Variants in DLG2 observed in about 807,000 individuals in gnomAD.
DLG2 encodes the protein discs large MAGUK scaffold protein 2, also known as disks large homolog 2.
A neutral mutation model predicts 132.5 loss-of-function variants in DLG2; 45 were observed. The observed-to-expected ratio is 0.34, with a 90% CI of 0.27 to 0.44. The LOEUF is 0.44. Ranked by LOEUF, DLG2 falls within the 20% of genes least tolerant of loss-of-function variation. The pLI, the probability that DLG2 is intolerant of heterozygous loss-of-function variation, is 1.00. For synonymous variants in DLG2, 424 were observed against 419.6 expected (o/e 1.01, Z -0.13); for missense variants, 1,045 against 1,196.9 (o/e 0.87, Z 1.87).
chr11:84,377,143 C>A (rs755632882), intron 7 of DLG2, among the ~76,000 whole-genome samples: 32 of 151,914 alleles, frequency 2.1e-4, no homozygotes, highest in Admixed American at 3.9e-4. Context: ...AGTATCCATG[C>A]TAAAGAAGTT....
rs773692866 is a variant in DLG2 at position 83,906,081 on chromosome 11, CTATATA to C, written c.1496+24241_1496+24246del. ...TCTCTCTCTCTCTCTCTCTCTCTCT[CTATATA>C]TATATATATATATATATACATATAT... On this transcript the variant is annotated intron_variant, in intron 15 of 27. Transcript: ENST00000376104. Among the ~76,000 whole-genome samples the C allele has an allele frequency of 2.7e-3, 261 of 96,616 alleles. 1 individual carries two copies. Among genetic ancestry groups the C allele is most frequent in the African/African-American group, 9.3e-3 (213 of 22,866 alleles). 63.4% of individuals were successfully genotyped at this position (96,616 alleles called of 152,430 possible).
At chr11:84,280,005 C>A (rs1053192287) in intron 7 of DLG2, among the ~76,000 whole-genome samples, 1 of 152,084 alleles carries the variant, frequency 6.6e-6, no homozygotes, top group South Asian at 2.1e-4. Context: ...CACTTATATT[C>A]AACATTGTCG....
chr11:84,068,184 G>A (rs555028956), intron 10 of DLG2, among the ~76,000 whole-genome samples: 1 of 152,220 alleles, frequency 6.6e-6, no homozygotes, highest in Admixed American at 6.5e-5. Context: ...AGAAGTATGG[G>A]CTTCGGACAG....
intron 17 of DLG2, among the ~76,000 whole-genome samples, chr11:83,804,156 T>C (rs988909231): frequency 3.9e-5 from 6 of 152,234 alleles, no homozygotes; most frequent in African/African-American, 1.2e-4. Flanking sequence ...CTCTTCCCAA[T>C]TACTTTCATC....
At chr11:84,080,747 T>A (rs556653312) in intron 10 of DLG2, among the ~76,000 whole-genome samples, 2 of 152,224 alleles carry the variant, frequency 1.3e-5, no homozygotes, top group East Asian at 3.9e-4. Flanking sequence ...ATCCCAGACC[T>A]TTGGGAAGCT....
intron 10 of DLG2, among the ~76,000 whole-genome samples, chr11:84,064,108 A>G (rs2096634026): frequency 6.6e-6 from 1 of 152,004 alleles, no homozygotes; most frequent in Admixed American, 6.6e-5. Context: ...AACTTAAAGT[A>G]TAATAAGAAT....
intron 11 of DLG2, among the ~76,000 whole-genome samples, chr11:84,030,638 T>C (rs902221758): frequency 6.6e-6 from 1 of 152,144 alleles, no homozygotes; most frequent in African/African-American, 2.4e-5. Context: ...AGGGGTTCAA[T>C]GGGTTGACTC....
At chr11:85,018,980 G>GT (rs777388346) in intron 6 of DLG2, among the ~76,000 whole-genome samples, 2 of 152,102 alleles carry the variant, frequency 1.3e-5, no homozygotes, top group Non-Finnish European at 2.9e-5. Flanking sequence ...GAAATACATT[G>GT]TAACATTTGT....
At chr11:84,887,748 C>G (rs2088577933) in intron 6 of DLG2, among the ~76,000 whole-genome samples, 1 of 152,134 alleles carries the variant, frequency 6.6e-6, no homozygotes, top group African/African-American at 2.4e-5. Flanking sequence ...AGTCACATTT[C>G]TAGAGATTGG....
intron 6 of DLG2, among the ~76,000 whole-genome samples, chr11:84,579,396 A>C (rs1350980019): frequency 6.6e-6 from 1 of 152,228 alleles, no homozygotes; most frequent in Non-Finnish European, 1.5e-5. Flanking sequence ...CAGTAAAAAA[A>C]CTACTGTGGT....
intron 7 of DLG2, among the ~76,000 whole-genome samples, chr11:84,531,969 T>C (rs532726087): frequency 4.6e-5 from 7 of 152,292 alleles, no homozygotes; most frequent in East Asian, 3.9e-4. Context: ...AACTCTGATA[T>C]ACATTTTCCA....
chr11:85,476,491 A>C (rs1163000684), intron 3 of DLG2, among the ~76,000 whole-genome samples: 1 of 152,084 alleles, frequency 6.6e-6, no homozygotes, highest in Non-Finnish European at 1.5e-5. Flanking sequence ...ACATCTTTTA[A>C]TTTTTTTACT....
intron 3 of DLG2, among the ~76,000 whole-genome samples, chr11:85,301,750 A>T (rs2079597696): frequency 6.6e-6 from 1 of 152,176 alleles, no homozygotes. Flanking sequence ...TATAAGAATA[A>T]GTCTCTAACG....
At chr11:83,682,949 C>T (rs2079086212) in intron 18 of DLG2, among the ~76,000 whole-genome samples, 2 of 152,228 alleles carry the variant, frequency 1.3e-5, no homozygotes, top group African/African-American at 4.8e-5. Context: ...TGAACTTGAA[C>T]CCAAACCCAG....
At chr11:84,724,125 GCTGTTTCCTA>G (rs771444174) in intron 6 of DLG2, among the ~76,000 whole-genome samples, 9 of 152,100 alleles carry the variant, frequency 5.9e-5, no homozygotes, top group African/African-American at 7.2e-5. Context: ...GAGCCATGGT[GCTGTTTCCTA>G]CTCTCTGCCT....
intron 10 of DLG2, among the ~76,000 whole-genome samples, chr11:84,066,907 T>G (rs1249026794): frequency 6.6e-6 from 1 of 152,130 alleles, no homozygotes; most frequent in Non-Finnish European, 1.5e-5. Flanking sequence ...TTCAAATAAA[T>G]GAATTAATTA....
chr11:83,649,605 T>C (rs567182711), intron 18 of DLG2, among the ~76,000 whole-genome samples: 2 of 152,316 alleles, frequency 1.3e-5, no homozygotes, highest in South Asian at 2.1e-4. Context: ...TTTTCTCTCA[T>C]ATCTAATTCC....
intron 8 of DLG2, among the ~76,000 whole-genome samples, chr11:84,199,756 C>A (rs1305640316): frequency 6.6e-6 from 1 of 151,962 alleles, no homozygotes; most frequent in African/African-American, 2.4e-5. Context: ...AGGATAAAAT[C>A]TGAGAGAAAA....
chr11:85,609,583 T>C (rs915541738), intron 2 of DLG2, among the ~76,000 whole-genome samples: 1 of 152,214 alleles, frequency 6.6e-6, no homozygotes, highest in Non-Finnish European at 1.5e-5. Flanking sequence ...CCCTCGTCCA[T>C]GTCTGCTATG....
Sources: gnomAD v4.1 joint callset for allele counts (sites outside exome capture counted in the v4.1 genomes callset) on GRCh38, gnomAD v4.1.1 for gene constraint, MANE v1.5 for transcripts, NCBI Gene and HGNC (gene_info 2026-07-23, HGNC 2026-07-21) for gene names.